Variants in IARS1 observed in about 807,000 individuals in gnomAD.
The protein encoded by IARS1 is isoleucine--tRNA ligase, cytoplasmic.
A neutral mutation model predicts 168.2 loss-of-function variants in IARS1; 124 were observed. The ratio of observed to expected loss-of-function variants is 0.74; its 90% CI spans 0.64 to 0.86. The LOEUF (loss-of-function observed/expected upper bound fraction) is 0.86. Among genes scored for constraint, IARS1 ranks in the 40% least tolerant of loss-of-function variants. IARS1 has a pLI of 0.00. For missense variants in IARS1, 1,452 were observed against 1,515.8 expected, an observed-to-expected ratio of 0.96 and a Z score of 0.70; for synonymous variants, 532 against 529.4, an observed-to-expected ratio of 1.00 and a Z score of -0.07.
intron 1 of IARS1, among the ~76,000 whole-genome samples, chr9:92,289,659 C>A (rs1042834154): frequency 6.6e-6 from 1 of 152,170 alleles, no homozygotes; most frequent in African/African-American, 2.4e-5. Context: ...TCAACCTCCC[C>A]TCCCCACCAA....
chr9:92,286,490 A>G, intron 5 of IARS1, 46 bp downstream of exon 5: 1 of 1,033,848 alleles, frequency 9.7e-7, no homozygotes, highest in South Asian at 1.4e-5. Context: ...TTATCAATAC[A>G]ACAGAATAGA....
intron 33 of IARS1, among the ~76,000 whole-genome samples, chr9:92,216,813 C>A (rs1470396267): frequency 7.9e-6 from 1 of 126,856 alleles, no homozygotes; most frequent in Non-Finnish European, 1.7e-5. Flanking sequence ...GACTCCCACA[C>A]ATTAATAATG....
Position 92,210,659 on chromosome 9 carries a change from C to A in IARS1, c.*148G>T. 1 of 580,456 alleles carries A rather than the reference C, an allele frequency of 1.7e-6. No homozygotes were observed. Among genetic ancestry groups the A allele is most frequent in the Non-Finnish European group, 3.2e-6 (1 of 315,450 alleles). 36.0% of individuals were successfully genotyped at this position (580,456 alleles called of 1,614,324 possible). On this transcript the variant is annotated 3_prime_UTR_variant, in exon 34 of 34. Coordinates refer to ENST00000443024, the MANE Select transcript of IARS1 (RefSeq NM_002161.6). ...TCTCAAGTTACTTGACTAATCAATC[C>A]CATTTGAATTTCAATCCAAGCAGCA...
intron 3 of IARS1, 36 bp from the exon 4 acceptor site, chr9:92,287,946 C>T: frequency 6.2e-7 from 1 of 1,609,460 alleles, no homozygotes; most frequent in Non-Finnish European, 8.5e-7. Context: ...CCACGCTGCC[C>T]TATGAAAACA....
Position 92,268,281 on chromosome 9 carries a change from C to T in IARS1, c.1324G>A (p.Glu442Lys). The T allele has an allele frequency of 6.2e-7, 1 of 1,610,730 alleles. No homozygotes were observed. Among genetic ancestry groups the T allele is most frequent in the Non-Finnish European group, 8.5e-7 (1 of 1,179,198 alleles). ...LCYWVPELVR[E>K]KRFGNWLKDA... ...TTCAGCCAATTTCCAAATCGTTTTTCTCGTACCAACTCTGGGACCCTGCAA... is the reference window on the plus strand; with the variant it reads ...TTCAGCCAATTTCCAAATCGTTTTTTTCGTACCAACTCTGGGACCCTGCAA... Residue 442 changes from glutamate to lysine, a missense_variant, in exon 14 of 34, where the codon GAA becomes AAA. Glu to Lys is a moderately conservative substitution (Grantham distance 56, BLOSUM62 1). Coordinates refer to ENST00000443024, the MANE Select transcript of IARS1 (RefSeq NM_002161.6).
intron 27 of IARS1, 142 bp downstream of exon 27, chr9:92,244,817 T>C (rs1828941709): frequency 1.6e-6 from 1 of 619,312 alleles, no homozygotes; most frequent in Non-Finnish European, 2.9e-6. Context: ...ATTAGTTTAA[T>C]AAAGCCAATC....
At chr9:92,222,380 A>G (rs902643467) in intron 33 of IARS1, 140 bp downstream of exon 33, 14 of 501,090 alleles carry the variant, frequency 2.8e-5, no homozygotes, top group Non-Finnish European at 4.7e-5. Flanking sequence ...AGAAAATTAT[A>G]TTATGGTAAA....
intron 1 of IARS1, among the ~76,000 whole-genome samples, chr9:92,291,725 G>A (rs1014970895): frequency 1.3e-5 from 2 of 152,166 alleles, no homozygotes; most frequent in Non-Finnish European, 2.9e-5. Context: ...TTATGGGATT[G>A]TTATCTGAAG....
chr9:92,243,874 A>G (rs931277043), intron 27 of IARS1, among the ~76,000 whole-genome samples: 2 of 152,196 alleles, frequency 1.3e-5, no homozygotes, highest in African/African-American at 4.8e-5. Flanking sequence ...TATCTCATCT[A>G]TTCTGAAGGT....
chr9:92,234,302 A>T (rs530852919), intron 30 of IARS1, among the ~76,000 whole-genome samples: 1 of 152,344 alleles, frequency 6.6e-6, no homozygotes, highest in East Asian at 1.9e-4. Context: ...ATTTAAAAAT[A>T]ACAGATTTAG....
At position 92,263,775 on chromosome 9, in the gene IARS1, C is replaced by A. The variant is rs938465151; in HGVS notation, c.1701-720G>T. On this transcript the variant is annotated intron_variant, in intron 16 of 33. Transcript: ENST00000443024. ...GAGAAGGAGGCAGGCACCAAGGACACGGGATCCACATGAGGACTGTTACCA... is the reference window on the plus strand; with the variant it reads ...GAGAAGGAGGCAGGCACCAAGGACAAGGGATCCACATGAGGACTGTTACCA... Among the ~76,000 whole-genome samples the A allele has an allele frequency of 1.0e-3, 153 of 152,206 alleles. 10 individuals carry two copies. Among genetic ancestry groups the A allele is most frequent in the Non-Finnish European group, 1.0e-4 (7 of 68,036 alleles).
At chr9:92,292,964 A>G (rs1441934481) in intron 1 of IARS1, among the ~76,000 whole-genome samples, 2 of 152,224 alleles carry the variant, frequency 1.3e-5, no homozygotes, top group Admixed American at 6.5e-5. Context: ...GACACTACTC[A>G]GAAGATACAC....
intron 15 of IARS1, 45 bp downstream of exon 15, chr9:92,265,435 A>G: frequency 6.6e-7 from 1 of 1,519,434 alleles, no homozygotes; most frequent in South Asian, 1.1e-5. Flanking sequence ...AGGTCTTAAT[A>G]GGAGAATCGT....
chr9:92,268,487 A>G (rs1322736769), intron 13 of IARS1, among the ~76,000 whole-genome samples, 187 bp from the exon 14 acceptor site: 1 of 152,196 alleles, frequency 6.6e-6, no homozygotes, highest in Non-Finnish European at 1.5e-5. Flanking sequence ...GCTGCCATCA[A>G]TGACCTACAT....
intron 31 of IARS1, among the ~76,000 whole-genome samples, chr9:92,228,327 G>A (rs1404460538): frequency 6.6e-6 from 1 of 152,044 alleles, no homozygotes; most frequent in African/African-American, 2.4e-5. Context: ...CGTAACAGCG[G>A]GAGAATGCAT....
intron 20 of IARS1, chr9:92,253,766 T>C (rs947744672): frequency 1.2e-5 from 6 of 509,400 alleles, no homozygotes; most frequent in Admixed American, 4.5e-5. Flanking sequence ...ACTACACAAC[T>C]GTAGGAAGTG....
In IARS1 at chr9:92,285,027, C is replaced by T. The variant is rs572775184; in HGVS notation, c.597+695G>A. On this transcript the variant is annotated intron_variant, in intron 6 of 33. Transcript: ENST00000443024. ...TATAAATAAAACGTGCTTTGAAAGG[C>T]AAATTTTACTAATGTAATTTTCAAA... Among the ~76,000 whole-genome samples, 9 of 151,908 alleles carry T rather than the reference C, an allele frequency of 5.9e-5. No homozygotes were observed. The South Asian group carries it at 1.7e-3, about 28-fold the overall frequency.
intron 10 of IARS1, among the ~76,000 whole-genome samples, chr9:92,272,864 CAAAAAAAA>C (rs869076663): frequency 2.6e-4 from 15 of 57,076 alleles, no homozygotes; most frequent in South Asian, 1.4e-3. Context: ...CAAAACAAAA[CAAAAAAAA>C]AAAAAAAAAA....
At chr9:92,222,115 T>A (rs1839747389) in intron 33 of IARS1, among the ~76,000 whole-genome samples, 1 of 151,896 alleles carries the variant, frequency 6.6e-6, no homozygotes. Context: ...GTCAGGAGTT[T>A]GAGACCAGCC....
Sources: gnomAD v4.1 joint callset for allele counts (sites outside exome capture counted in the v4.1 genomes callset) on GRCh38, gnomAD v4.1.1 for gene constraint, MANE v1.5 for transcripts, NCBI Gene and HGNC (gene_info 2026-07-23, HGNC 2026-07-21) for gene names.